The following ZNF638 variants were observed in gnomAD, a reference collection of about 807,000 sequenced individuals.
The protein encoded by ZNF638 is zinc finger protein 638, also known as CTCL tumor antigen se33-1.
In ZNF638, 46 loss-of-function variants were observed where a neutral mutation model predicts 195.6. The ratio of observed to expected loss-of-function variants is 0.24; its 90% CI spans 0.19 to 0.30. The LOEUF (loss-of-function observed/expected upper bound fraction) is 0.30. ZNF638 is among the 10% of genes least tolerant of loss of function. The probability of loss-of-function intolerance (pLI) is 1.00; values close to 1 mark genes in which losing one functional copy is unlikely to be tolerated. For missense variants in ZNF638, 2,440 were observed against 2,325.3 expected, an observed-to-expected ratio of 1.05 and a Z score of -1.01; for synonymous variants, 845 against 772.0, an observed-to-expected ratio of 1.09 and a Z score of -1.57.
intron 3 of ZNF638, among the ~76,000 whole-genome samples, chr2:71,358,799 A>G (rs1444837256): frequency 6.6e-6 from 1 of 151,872 alleles, no homozygotes; most frequent in Non-Finnish European, 1.5e-5. Context: ...TATCGGTGCC[A>G]TTTTTCTAAC....
rs771373164 is a variant in ZNF638, at chr2:71,348,749, T to C, written c.-202-4T>C. On this transcript the variant is annotated splice_region_variant and splice_polypyrimidine_tract_variant and intron_variant, in intron 1 of 27. Transcript: ENST00000264447. ...TGATCTAATATTTGTGTTTTAACTT[T>C]CAGCTTTGTGTTATTCTTGGAAAAT... 6 of 1,523,486 alleles carry C rather than the reference T, an allele frequency of 3.9e-6. No individual in the cohort carries two copies. Among genetic ancestry groups the C allele is most frequent in the Non-Finnish European group, 5.3e-6 (6 of 1,138,892 alleles). 94.4% of individuals were successfully genotyped at this position (1,523,486 alleles called of 1,614,324 possible).
At chr2:71,383,781 T>C (rs971925024) in intron 10 of ZNF638, among the ~76,000 whole-genome samples, 1 of 108,112 alleles carries the variant, frequency 9.2e-6, no homozygotes, top group African/African-American at 3.0e-5. Flanking sequence ...TTTTTTTTTT[T>C]AGTAGAGATG....
chr2:71,353,261 G>C (rs2078971985), intron 2 of ZNF638, among the ~76,000 whole-genome samples: 1 of 152,112 alleles, frequency 6.6e-6, no homozygotes, highest in South Asian at 2.1e-4. Context: ...TGTTAAATTG[G>C]GGTTCAGATT....
At chr2:71,377,103 T>TG (rs1260074453) in intron 8 of ZNF638, among the ~76,000 whole-genome samples, 2 of 152,050 alleles carry the variant, frequency 1.3e-5, no homozygotes, top group Non-Finnish European at 2.9e-5. Context: ...TGAGCTCTTA[T>TG]CTCTTCAAAA....
intron 13 of ZNF638, 87 bp from the exon 14 acceptor site, chr2:71,400,025 T>A (rs2079974606): frequency 8.8e-7 from 1 of 1,139,428 alleles, no homozygotes; most frequent in Non-Finnish European, 1.2e-6. Flanking sequence ...ACTTGAAATG[T>A]CAAACTAGCT....
chr2:71,403,824 AAG>A, intron 16 of ZNF638, 44 bp from the exon 17 acceptor site: 1 of 1,403,046 alleles, frequency 7.1e-7, no homozygotes, highest in Non-Finnish European at 9.7e-7. Context: ...TTTTGAGAAA[AAG>A]TAACATAAGA....
intron 8 of ZNF638, 115 bp downstream of exon 8, chr2:71,370,120 CATT>C (rs1437136416): frequency 6.3e-6 from 7 of 1,107,044 alleles, no homozygotes; most frequent in African/African-American, 1.6e-5. Flanking sequence ...TAGCTCAACA[CATT>C]ATATGTGCAT....
chr2:71,400,497 A>G lies in ZNF638; in HGVS notation c.2676A>G (p.Thr892=), dbSNP rs1319773939. 6.2e-7 allele frequency: 1 copy of G among 1,607,750 alleles called. No homozygotes were observed. Among genetic ancestry groups the G allele is most frequent in the Admixed American group, 1.7e-5 (1 of 58,474 alleles). ...EAISDAALEA[T]ENEPLNKETE... ...ATTAAGATGCTGCTTTGGAGGCCAC[A>G]GAGAATGAACCACTTAACAAGGTCA... The change falls in exon 15 of 28, where the codon ACA becomes ACG. Residue 892 remains threonine, a synonymous_variant. Transcript: ENST00000264447.
chr2:71,399,585 G>C lies in ZNF638; in HGVS notation c.2527G>C (p.Glu843Gln), dbSNP rs528334638. 51 of 1,612,492 alleles carry C rather than the reference G, an allele frequency of 3.2e-5. No homozygotes were observed. Among genetic ancestry groups the C allele is most frequent in the Non-Finnish European group, 4.0e-5 (47 of 1,179,212 alleles). ...TAKSGGKKSLEAKKTGNVKNK... is the reference protein window; with the variant it reads ...TAKSGGKKSLQAKKTGNVKNK... ...AAAATCTGGTGGAAAGAAGTCTCTA[G>C]AAGCCAAAAAGACTGGGAATGTCAA... The change falls in exon 13 of 28, where the codon GAA (glutamate) becomes CAA (glutamine). Residue 843 changes from glutamate (E) to glutamine (Q), a missense_variant. Glu to Gln is a conservative substitution (Grantham distance 29). Transcript: ENST00000264447.
At chr2:71,398,234 A>G (rs868786436) in intron 11 of ZNF638, among the ~76,000 whole-genome samples, 74 of 152,324 alleles carry the variant, frequency 4.9e-4, no homozygotes, top group Middle Eastern at 6.8e-3. Context: ...ATATAATGAA[A>G]TATCTGGGGG....
intron 8 of ZNF638, chr2:71,375,520 AGAGT>A (rs1274608699): frequency 1.3e-5 from 2 of 152,204 alleles, no homozygotes; most frequent in Non-Finnish European, 2.9e-5. Context: ...TTTTCTGGAA[AGAGT>A]GAGTTCCCCA....
At chr2:71,344,290 A>C (rs2078814986) in intron 1 of ZNF638, among the ~76,000 whole-genome samples, 1 of 152,220 alleles carries the variant, frequency 6.6e-6, no homozygotes, top group Non-Finnish European at 1.5e-5. Context: ...TGAGGGAGAT[A>C]CGTTCTAAGG....
intron 8 of ZNF638, chr2:71,376,166 G>C (rs1302911824): frequency 6.6e-6 from 1 of 152,200 alleles, no homozygotes; most frequent in African/African-American, 2.4e-5. Context: ...TCATAGCAAT[G>C]AATAGGTAAA....
chr2:71,389,323 A>G (rs2079719794), intron 10 of ZNF638, among the ~76,000 whole-genome samples: 1 of 152,244 alleles, frequency 6.6e-6, no homozygotes, highest in African/African-American at 2.4e-5. Context: ...ACTCAGGTAT[A>G]TGAACCCATT....
intron 10 of ZNF638, chr2:71,395,389 T>C: frequency 1.5e-6 from 1 of 689,236 alleles, no homozygotes; most frequent in Non-Finnish European, 2.7e-6. Context: ...TGGGAAAAGT[T>C]ATAAGGAGAG....
At chr2:71,395,426 G>A in intron 10 of ZNF638, 1 of 643,130 alleles carries the variant, frequency 1.6e-6, no homozygotes, top group Non-Finnish European at 2.9e-6. Context: ...AAGTCCAGGA[G>A]GTTTTGCAAA....
At chr2:71,338,987 C>T (rs1004431608) in intron 1 of ZNF638, among the ~76,000 whole-genome samples, 2 of 152,144 alleles carry the variant, frequency 1.3e-5, no homozygotes, top group African/African-American at 4.8e-5. Flanking sequence ...TCATCGTTTT[C>T]TGTATTATTC....
At position 71,369,895 on chromosome 2, in the gene ZNF638, A is replaced by T. The variant is rs1368682122; in HGVS notation, c.2155A>T (p.Met719Leu). 7 of 1,580,374 alleles carry T rather than the reference A, an allele frequency of 4.4e-6. No individual in the cohort carries two copies. Among genetic ancestry groups the T allele is most frequent in the Non-Finnish European group, 6.0e-6 (7 of 1,169,502 alleles). ...AATTTCATTTTAGGCTTACCTAGAAATGGAATTTAAAGAGGCAATTACTGC... is the reference window on the plus strand; with the variant it reads ...AATTTCATTTTAGGCTTACCTAGAATTGGAATTTAAAGAGGCAATTACTGC... ...VPYRKEAYLEMEFKEAITAIM... is the reference protein window; with the variant it reads ...VPYRKEAYLELEFKEAITAIM... The change falls in exon 8 of 28, where the codon ATG (methionine) becomes TTG (leucine). Residue 719 changes from methionine to leucine, a missense_variant. Coordinates refer to ENST00000264447, the MANE Select transcript of ZNF638 (RefSeq NM_014497.5).
At position 71,396,154 on chromosome 2, in the gene ZNF638, A is replaced by T. The variant is rs1202071723; in HGVS notation, c.2391A>T (p.Gln797His). The change falls in exon 11 of 28, where the codon CAA becomes CAT. Residue 797 changes from glutamine to histidine, a missense_variant. Transcript: ENST00000264447. ...TTGTTGTTTTAGCCAAAACTGGACAAGCCAAGGCATCTGTAGCCAAAGTAA... is the reference window on the plus strand; with the variant it reads ...TTGTTGTTTTAGCCAAAACTGGACATGCCAAGGCATCTGTAGCCAAAGTAA... ...VTSTSAAKTG[Q>H]AKASVAKVNK... The T allele has an allele frequency of 1.2e-6, 2 of 1,613,322 alleles. No homozygotes were observed. Among genetic ancestry groups the T allele is most frequent in the African/African-American group, 1.3e-5 (1 of 74,882 alleles).
Sources: allele counts gnomAD v4.1 joint callset (sites outside exome capture counted in the v4.1 genomes callset), GRCh38; gene constraint gnomAD v4.1.1; transcripts MANE v1.5; gene names NCBI Gene and HGNC (gene_info 2026-07-23, HGNC 2026-07-21).